Variants in ZNRF2 observed in about 807,000 individuals in gnomAD.
ZNRF2 encodes the protein zinc and ring finger 2, also known as E3 ubiquitin-protein ligase ZNRF2.
ZNRF2 carries 16 observed loss-of-function variants against 20.4 expected under a neutral mutation model. The observed-to-expected ratio is 0.79, with a 90% CI of 0.53 to 1.19. ZNRF2 has a LOEUF of 1.19. Ranked by LOEUF, ZNRF2 falls within the 50% of genes most tolerant of loss-of-function variation. ZNRF2 has a pLI of 0.00. For missense variants in ZNRF2, 363 were observed against 332.4 expected, an observed-to-expected ratio of 1.09 and a Z score of -0.72; for synonymous variants, 178 against 144.9, an observed-to-expected ratio of 1.23 and a Z score of -1.64.
intron 1 of ZNRF2, among the ~76,000 whole-genome samples, chr7:30,306,105 G>A (rs754623669): frequency 1.6e-4 from 24 of 152,148 alleles, no homozygotes; most frequent in Non-Finnish European, 2.6e-4. Context: ...TTAAAGATTA[G>A]ATGAGATAAT....
intron 1 of ZNRF2, among the ~76,000 whole-genome samples, chr7:30,316,457 C>T (rs1799379091): frequency 1.3e-5 from 2 of 151,994 alleles, no homozygotes; most frequent in South Asian, 4.1e-4. Flanking sequence ...ATAGGTTCAT[C>T]AAGGATTGCT....
At chr7:30,318,234 A>T (rs1429588709) in intron 1 of ZNRF2, among the ~76,000 whole-genome samples, 1 of 152,158 alleles carries the variant, frequency 6.6e-6, no homozygotes, top group East Asian at 1.9e-4. Context: ...ATAAAGGTTA[A>T]AATAGAAGAG....
chr7:30,304,004 G>A (rs546799735), intron 1 of ZNRF2, among the ~76,000 whole-genome samples: 24 of 152,236 alleles, frequency 1.6e-4, no homozygotes, highest in Non-Finnish European at 2.5e-4. Flanking sequence ...TTGTTGAATA[G>A]ATTTTACTTA....
intron 2 of ZNRF2, among the ~76,000 whole-genome samples, chr7:30,343,784 CTTTGTTT>C (rs1009691185): frequency 1.1e-4 from 17 of 148,348 alleles, no homozygotes; most frequent in Admixed American, 8.7e-4. Context: ...CCAATCTAAT[CTTTGTTT>C]TTTGTTTGTT....
chr7:30,335,785 CTTATA>C (rs1799707382), intron 2 of ZNRF2, among the ~76,000 whole-genome samples: 1 of 152,018 alleles, frequency 6.6e-6, no homozygotes, highest in Admixed American at 6.6e-5. Context: ...GAATATTTAT[CTTATA>C]TTAGTATGCA....
At position 30,285,019 on chromosome 7, in the gene ZNRF2, T is replaced by C; in HGVS notation, c.-339T>C. 2.5e-6 allele frequency: 1 copy of C among 398,766 alleles called. No homozygotes were observed. Among genetic ancestry groups the C allele is most frequent in the South Asian group, 1.7e-5 (1 of 59,108 alleles). The allele number at this position is 398,766 out of a possible 1,614,324, so 24.7% of individuals were successfully genotyped here. A position where few individuals can be genotyped will look rare whatever the true frequency, so the allele number is the denominator to read the frequency against. ...GGCAGCAGAGAGCGGTAGCGGCCCGTCGTGGCGCACCAGAACCGAAACCAG... is the reference window on the plus strand; with the variant it reads ...GGCAGCAGAGAGCGGTAGCGGCCCGCCGTGGCGCACCAGAACCGAAACCAG... On this transcript the variant is annotated 5_prime_UTR_variant, in exon 1 of 5. Transcript: ENST00000323037.
At position 30,355,899 on chromosome 7, in the gene ZNRF2, G is replaced by A. The variant is rs983962778; in HGVS notation, c.671+66G>A. 40 of 1,229,010 alleles carry A rather than the reference G, an allele frequency of 3.3e-5. 1 individual carries two copies. The highest frequency in any genetic ancestry group is 4.2e-5 in the Non-Finnish European group (36 of 854,600). 76.1% of individuals were successfully genotyped at this position (1,229,010 alleles called of 1,614,324 possible). A position where few individuals can be genotyped will look rare whatever the true frequency, so the allele number is the denominator to read the frequency against. On this transcript the variant is annotated intron_variant, in intron 3 of 4. Transcript: ENST00000323037. Reference sequence around the variant, plus strand: ...CACAGTTTCAGACATTGTAATTAGGGCTGAAAAGGAATCTTCGTTGAAACC... The same window carrying A: ...CACAGTTTCAGACATTGTAATTAGGACTGAAAAGGAATCTTCGTTGAAACC...
At chr7:30,319,550 A>G (rs909715604) in intron 1 of ZNRF2, among the ~76,000 whole-genome samples, 10 of 152,150 alleles carry the variant, frequency 6.6e-5, no homozygotes, top group African/African-American at 2.4e-4. Context: ...ACTATTAAGG[A>G]TAATAAGGAG....
intron 2 of ZNRF2, among the ~76,000 whole-genome samples, chr7:30,331,510 C>T (rs900084664): frequency 5.9e-5 from 9 of 152,236 alleles, no homozygotes; most frequent in African/African-American, 2.2e-4. Flanking sequence ...GAGGAAATTA[C>T]ACAGAGTGTA....
intron 3 of ZNRF2, among the ~76,000 whole-genome samples, chr7:30,361,012 G>A (rs914377078): frequency 2.6e-5 from 4 of 152,174 alleles, no homozygotes; most frequent in Non-Finnish European, 5.9e-5. Flanking sequence ...ATTGACAGAC[G>A]TTTATGTGAA....
intron 2 of ZNRF2, among the ~76,000 whole-genome samples, chr7:30,329,718 T>A (rs1318695088): frequency 6.6e-6 from 1 of 152,220 alleles, no homozygotes; most frequent in African/African-American, 2.4e-5. Flanking sequence ...GATGGATACT[T>A]AGGTTGAATC....
rs997149544 is a variant in ZNRF2, at chr7:30,285,286, G to C, written c.-72G>C. 2.9e-6 allele frequency: 3 copies of C among 1,024,694 alleles called. No individual in the cohort carries two copies. The highest frequency in any genetic ancestry group is 3.5e-6 in the Non-Finnish European group (3 of 851,438). The allele number at this position is 1,024,694 out of a possible 1,614,324, so 63.5% of individuals were successfully genotyped here. A position where few individuals can be genotyped will look rare whatever the true frequency, so the allele number is the denominator to read the frequency against. ...CGCGGCGCCTGGGCCCTGCCCTCTA[G>C]CTCCCGCGCTCGCTCCCGCCCTCCC... On this transcript the variant is annotated 5_prime_UTR_variant, in exon 1 of 5. Transcript: ENST00000323037.
At chr7:30,311,471 G>T (rs1343897484) in intron 1 of ZNRF2, among the ~76,000 whole-genome samples, 2 of 152,174 alleles carry the variant, frequency 1.3e-5, no homozygotes, top group Admixed American at 6.5e-5. Flanking sequence ...TTCATGAAGA[G>T]CAGTATCTTT....
At chr7:30,364,480 C>CTAAATAAA (rs139535807) in intron 4 of ZNRF2, among the ~76,000 whole-genome samples, 6 of 152,026 alleles carry the variant, frequency 3.9e-5, no homozygotes, top group East Asian at 1.9e-4. Context: ...AAGTCCCTGT[C>CTAAATAAA]TAAATAAATA....
intron 2 of ZNRF2, among the ~76,000 whole-genome samples, chr7:30,325,710 C>CT: frequency 6.6e-6 from 1 of 152,174 alleles, no homozygotes; most frequent in East Asian, 1.9e-4. Context: ...CAATAGAGCA[C>CT]TTTTTGCCAT....
At chr7:30,349,219 A>T (rs1164078751) in intron 2 of ZNRF2, among the ~76,000 whole-genome samples, 2 of 152,124 alleles carry the variant, frequency 1.3e-5, no homozygotes, top group Non-Finnish European at 2.9e-5. Flanking sequence ...TATCACTTGC[A>T]ATTTATTTTA....
chr7:30,356,159 G>T (rs573135616), intron 3 of ZNRF2, among the ~76,000 whole-genome samples: 3 of 152,092 alleles, frequency 2.0e-5, no homozygotes, highest in Non-Finnish European at 2.9e-5. Context: ...TTGCCCCAAG[G>T]TTACAAGGCT....
Position 30,366,448 on chromosome 7 carries a change from A to G in ZNRF2, c.*436A>G, listed in dbSNP as rs1271330828. ...GGGTCTCTTTGTTTTCCCCAACATA[A>G]TGTTCATAATGTTTCTGCATTCATC... On this transcript the variant is annotated 3_prime_UTR_variant, in exon 5 of 5. Transcript: ENST00000323037. 1 of 152,560 alleles carries G rather than the reference A, an allele frequency of 6.6e-6. No homozygotes were observed. Among genetic ancestry groups the G allele is most frequent in the Non-Finnish European group, 1.5e-5 (1 of 67,996 alleles). The allele number at this position is 152,560 out of a possible 1,614,324, so 9.5% of individuals were successfully genotyped here. A position where few individuals can be genotyped will look rare whatever the true frequency, so the allele number is the denominator to read the frequency against.
intron 2 of ZNRF2, among the ~76,000 whole-genome samples, chr7:30,336,716 G>C (rs1799720771): frequency 6.6e-6 from 1 of 152,060 alleles, no homozygotes; most frequent in South Asian, 2.1e-4. Context: ...AAGTCATTTT[G>C]ATCTCGATAT....
Sources: allele counts gnomAD v4.1 joint callset (sites outside exome capture counted in the v4.1 genomes callset), GRCh38; gene constraint gnomAD v4.1.1; transcripts MANE v1.5; gene names NCBI Gene and HGNC (gene_info 2026-07-23, HGNC 2026-07-21).